Variants in ASTN2 observed in about 807,000 individuals in gnomAD.
ASTN2 encodes astrotactin 2.
Under a neutral mutation model 139.8 loss-of-function variants are expected in ASTN2, and 54 were observed. The ratio of observed to expected loss-of-function variants is 0.39; its 90% CI spans 0.31 to 0.48. ASTN2 has a LOEUF of 0.48. ASTN2 is among the 20% of genes least tolerant of loss of function. The pLI is 0.95. For synonymous variants in ASTN2, 756 were observed against 719.5 expected (o/e 1.05, Z -0.81); for missense variants, 1,565 against 1,725.1 (o/e 0.91, Z 1.64).
chr9:117,078,790 C>T (rs1365405188), intron 5 of ASTN2, among the ~76,000 whole-genome samples: 1 of 152,126 alleles, frequency 6.6e-6, no homozygotes, highest in Non-Finnish European at 1.5e-5. Context: ...GTCTGTAGTG[C>T]AGTGGCACGA....
chr9:116,840,549 T>G (rs13292497), intron 11 of ASTN2, among the ~76,000 whole-genome samples: 1 of 1,184 alleles, frequency 8.4e-4, no homozygotes, highest in Non-Finnish European at 1.6e-3. Context: ...GCTGGCCGGG[T>G]GGGGGGCTGA....
At chr9:117,409,545 G>C (rs556800040) in intron 1 of ASTN2, among the ~76,000 whole-genome samples, 79 of 152,326 alleles carry the variant, frequency 5.2e-4, no homozygotes, top group African/African-American at 1.8e-3. Context: ...ACAGCCTCCT[G>C]TAGGGCTCAG....
At chr9:117,060,476 GGAAGGAAGGAAT>G (rs1839244925) in intron 5 of ASTN2, among the ~76,000 whole-genome samples, 2 of 89,084 alleles carry the variant, frequency 2.2e-5, no homozygotes, top group Non-Finnish European at 4.2e-5. Context: ...AAGGAAGGAA[GGAAGGAAGGAAT>G]GAAAGAAAGA....
intron 3 of ASTN2, among the ~76,000 whole-genome samples, chr9:117,145,490 T>C (rs572362043): frequency 6.6e-6 from 1 of 152,300 alleles, no homozygotes; most frequent in Admixed American, 6.5e-5. Flanking sequence ...AGGTATTTCT[T>C]TCCTTGTTCC....
At chr9:117,114,185 A>G (rs1829321817) in intron 4 of ASTN2, among the ~76,000 whole-genome samples, 1 of 151,656 alleles carries the variant, frequency 6.6e-6, no homozygotes, top group Non-Finnish European at 1.5e-5. Flanking sequence ...TTTTAAAAAA[A>G]AAGTCTATGG....
At chr9:117,309,888 G>T (rs903247581) in intron 1 of ASTN2, among the ~76,000 whole-genome samples, 1 of 152,120 alleles carries the variant, frequency 6.6e-6, no homozygotes, top group Non-Finnish European at 1.5e-5. Flanking sequence ...GTCCCATGCT[G>T]AGTTTAAGGC....
chr9:116,634,786 G>A (rs900074028), intron 17 of ASTN2, among the ~76,000 whole-genome samples: 1 of 152,046 alleles, frequency 6.6e-6, no homozygotes, highest in Non-Finnish European at 1.5e-5. Context: ...TTGCCTTTGG[G>A]GAAGTAGGAC....
rs116366340 is a variant in ASTN2 at position 116,796,015 on chromosome 9, A to G, written c.2396+9617T>C. ...GCCAGGAAGAGGATCTAGTCCCTGC[A>G]TAATCCTGCACATGCAAGTGAGCTT... On this transcript the variant is annotated intron_variant, in intron 13 of 22. Coordinates refer to ENST00000313400, the MANE Select transcript of ASTN2 (RefSeq NM_001365068.1). Among the ~76,000 whole-genome samples, 767 of 152,334 alleles carry G rather than the reference A, an allele frequency of 5.0e-3. 9 individuals are homozygous for G. The highest frequency in any genetic ancestry group is 0.018 in the African/African-American group (737 of 41,578).
At chr9:116,620,162 T>C in intron 18 of ASTN2, 148 bp downstream of exon 18, 1 of 1,128,556 alleles carries the variant, frequency 8.9e-7, no homozygotes, top group South Asian at 1.6e-5. Context: ...GCTCCCTTCT[T>C]TCCTAAAAAA....
intron 19 of ASTN2, among the ~76,000 whole-genome samples, chr9:116,605,049 GAGAGAGAC>G (rs1000468277): frequency 6.6e-6 from 1 of 151,930 alleles, no homozygotes; most frequent in South Asian, 2.1e-4. Flanking sequence ...AGAAGAGAGA[GAGAGAGAC>G]AGAGAGCCAC....
chr9:117,068,476 G>T (rs7872333), intron 5 of ASTN2, among the ~76,000 whole-genome samples: 10,309 of 80,380 alleles, frequency 0.13, 948 homozygotes, highest in African/African-American at 0.26. Flanking sequence ...TCTCTTTTTT[G>T]GTTGTGCCTC....
intron 9 of ASTN2, 62 bp from the exon 10 acceptor site, chr9:116,975,407 G>T (rs2132525061): frequency 1.3e-6 from 2 of 1,499,322 alleles, no homozygotes; most frequent in Non-Finnish European, 1.8e-6. Flanking sequence ...CAGAAAAAAG[G>T]GGCCCCTGTT....
intron 16 of ASTN2, among the ~76,000 whole-genome samples, chr9:116,662,842 T>C (rs1480948963): frequency 2.6e-5 from 4 of 152,138 alleles, no homozygotes; most frequent in Non-Finnish European, 4.4e-5. Flanking sequence ...CTTGGACAAG[T>C]AATGTCGTAA....
intron 22 of ASTN2, among the ~76,000 whole-genome samples, chr9:116,438,903 T>A (rs960859281): frequency 6.6e-6 from 1 of 152,098 alleles, no homozygotes; most frequent in Admixed American, 6.5e-5. Flanking sequence ...TGAGCCAAGA[T>A]AGCACCATTG....
intron 2 of ASTN2, among the ~76,000 whole-genome samples, chr9:117,255,259 C>T (rs16934432): frequency 0.042 from 6,398 of 152,232 alleles, 431 homozygotes; most frequent in African/African-American, 0.14. Flanking sequence ...GTATATTTAT[C>T]GGATGCCTAC....
At chr9:116,986,061 A>G (rs537948268) in intron 7 of ASTN2, among the ~76,000 whole-genome samples, 1 of 152,290 alleles carries the variant, frequency 6.6e-6, no homozygotes, top group South Asian at 2.1e-4. Context: ...AAAAACAGTT[A>G]CTGCATCGCC....
intron 4 of ASTN2, among the ~76,000 whole-genome samples, chr9:117,112,863 T>TA (rs1829284153): frequency 6.6e-6 from 1 of 152,126 alleles, no homozygotes; most frequent in African/African-American, 2.4e-5. Flanking sequence ...ATATAATACA[T>TA]ATATCTGACA....
chr9:116,956,596 A>G (rs1254548878), intron 10 of ASTN2, among the ~76,000 whole-genome samples: 1 of 151,864 alleles, frequency 6.6e-6, no homozygotes, highest in Admixed American at 6.6e-5. Context: ...AAAATAAACA[A>G]AAGACATTCC....
intron 5 of ASTN2, among the ~76,000 whole-genome samples, chr9:117,046,395 A>G (rs1838743437): frequency 6.6e-6 from 1 of 152,168 alleles, no homozygotes; most frequent in Non-Finnish European, 1.5e-5. Flanking sequence ...TCAGAGCTTC[A>G]GTTTTCCTAA....
Sources: allele counts gnomAD v4.1 joint callset (sites outside exome capture counted in the v4.1 genomes callset), GRCh38; gene constraint gnomAD v4.1.1; transcripts MANE v1.5; gene names NCBI Gene and HGNC (gene_info 2026-07-23, HGNC 2026-07-21).